Variants in GBE1 observed in about 807,000 individuals in gnomAD.
GBE1 encodes the protein 1,4-alpha-glucan-branching enzyme.
GBE1 carries 70 observed loss-of-function variants against 88.8 expected under a neutral mutation model. The observed-to-expected ratio is 0.79, with a 90% confidence interval of 0.65 to 0.96. The LOEUF is 0.96. Ranked by LOEUF, GBE1 falls within the 40% of genes least tolerant of loss-of-function variation. The pLI is 0.00. For synonymous variants in GBE1, 284 were observed against 300.1 expected (o/e 0.95, Z 0.56); for missense variants, 872 against 871.0 (o/e 1.00, Z -0.01).
At chr3:81,507,281 T>G (rs1400353412) in intron 14 of GBE1, among the ~76,000 whole-genome samples, 1 of 152,034 alleles carries the variant, frequency 6.6e-6, no homozygotes, top group Admixed American at 6.6e-5. Context: ...AACAGAGAAC[T>G]TGCCCGGGCG....
chr3:81,541,444 C>T (rs1703141579), intron 12 of GBE1, among the ~76,000 whole-genome samples: 1 of 147,242 alleles, frequency 6.8e-6, no homozygotes, highest in Non-Finnish European at 1.5e-5. Context: ...TGATGGGCTG[C>T]AAGTTGCCCC....
At chr3:81,576,958 A>G (rs1703656571) in intron 12 of GBE1, among the ~76,000 whole-genome samples, 1 of 152,120 alleles carries the variant, frequency 6.6e-6, no homozygotes, top group Non-Finnish European at 1.5e-5. Context: ...GGCTTTTTAA[A>G]AATTAGAGAT....
rs77433597 is a variant in GBE1, at chr3:81,612,965, C to T, written c.993-18942G>A. On this transcript the variant is annotated intron_variant, in intron 7 of 15. Transcript: ENST00000429644. The stretch of plus-strand genomic sequence containing the variant: ...ATGATGATGATGATGACGATGATGA[C>T]GCAAAGGAGGAAGGATTAGAAGATA... The T allele has an allele frequency of 4.7e-3, 1,885 of 398,378 alleles. 40 individuals carry two copies. Among genetic ancestry groups the T allele is most frequent in the African/African-American group, 0.037 (1,739 of 47,054 alleles). The allele number at this position is 398,378 out of a possible 1,614,324, so 24.7% of individuals were successfully genotyped here.
intron 2 of GBE1, among the ~76,000 whole-genome samples, chr3:81,672,534 A>C (rs948886780): frequency 6.6e-6 from 1 of 152,036 alleles, no homozygotes; most frequent in Non-Finnish European, 1.5e-5. Flanking sequence ...AAGATCAAGA[A>C]CTATCAAAAC....
At chr3:81,584,322 A>G (rs998434099) in intron 10 of GBE1, among the ~76,000 whole-genome samples, 4 of 152,106 alleles carry the variant, frequency 2.6e-5, no homozygotes, top group Non-Finnish European at 5.9e-5. Context: ...TGGGTAGACA[A>G]CATCACAGGC....
intron 12 of GBE1, among the ~76,000 whole-genome samples, chr3:81,576,893 A>G (rs1003063532): frequency 6.6e-6 from 1 of 152,168 alleles, no homozygotes; most frequent in Non-Finnish European, 1.5e-5. Flanking sequence ...TAAAAGTTCA[A>G]TCTGAGATTT....
chr3:81,619,572 G>C lies in GBE1; in HGVS notation c.992+23209C>G, dbSNP rs930793865. On this transcript the variant is annotated intron_variant, in intron 7 of 15. Coordinates refer to ENST00000429644, the MANE Select transcript of GBE1 (RefSeq NM_000158.4). ...TCAAGAGAAAATAAAATGGGAGGTT[G>C]GAAATTATTAACACTTAACACATCA... 5.9e-5 allele frequency among the ~76,000 whole-genome samples: 9 copies of C among 152,034 alleles called. No homozygotes were observed. In the East Asian group the frequency reaches 1.5e-3, roughly 26 times the overall value.
At chr3:81,527,896 C>T (rs928402904) in intron 14 of GBE1, among the ~76,000 whole-genome samples, 40 of 151,722 alleles carry the variant, frequency 2.6e-4, no homozygotes, top group South Asian at 6.3e-4. Context: ...TAAATCATGC[C>T]GCTATAAAGA....
chr3:81,498,719 G>A (rs763404237), intron 15 of GBE1, among the ~76,000 whole-genome samples: 21 of 152,082 alleles, frequency 1.4e-4, no homozygotes, highest in Non-Finnish European at 2.9e-4. Context: ...TCATCTGCTA[G>A]TCAATAATGT....
At chr3:81,639,808 C>A (rs1160344837) in intron 7 of GBE1, among the ~76,000 whole-genome samples, 2 of 152,180 alleles carry the variant, frequency 1.3e-5, no homozygotes, top group Non-Finnish European at 2.9e-5. Flanking sequence ...AGGCTGAGCT[C>A]CTAGCTGACA....
In GBE1 at chr3:81,761,619, G is replaced by A. The variant is rs78982329; in HGVS notation, c.-102C>T. On this transcript the variant is annotated 5_prime_UTR_variant, in exon 1 of 16. Coordinates refer to ENST00000429644, the MANE Select transcript of GBE1 (RefSeq NM_000158.4). The stretch of plus-strand genomic sequence containing the variant: ...CGCGGCGGCTAGGGCGGAGCCGGAG[G>A]GCGCCTAGGCGTGTCGAGGCAAGCC... 0.15 allele frequency: 219,752 copies of A among 1,426,510 alleles called. 18,074 individuals carry two copies. The highest frequency in any genetic ancestry group is 0.17 in the Non-Finnish European group (187,091 of 1,071,622). 88.4% of individuals were successfully genotyped at this position (1,426,510 alleles called of 1,614,324 possible). A position where few individuals can be genotyped will look rare whatever the true frequency, so the allele number is the denominator to read the frequency against.
intron 1 of GBE1, among the ~76,000 whole-genome samples, chr3:81,749,590 G>C (rs1173393579): frequency 6.6e-6 from 1 of 152,204 alleles, no homozygotes; most frequent in Non-Finnish European, 1.5e-5. Context: ...GTATAGAAGT[G>C]TAGACACACA....
intron 2 of GBE1, among the ~76,000 whole-genome samples, chr3:81,698,081 T>C (rs1231834337): frequency 6.7e-6 from 1 of 148,462 alleles, no homozygotes; most frequent in African/African-American, 2.5e-5. Flanking sequence ...TATATATATA[T>C]ATCTTACAAC....
intron 7 of GBE1, among the ~76,000 whole-genome samples, chr3:81,597,400 GCTAA>G (rs1180318165): frequency 2.7e-5 from 4 of 149,280 alleles, no homozygotes; most frequent in Admixed American, 6.7e-5. Flanking sequence ...GGAGCTAGAT[GCTAA>G]CTTTTAGATG....
chr3:81,628,044 G>C (rs984025917), intron 7 of GBE1, among the ~76,000 whole-genome samples: 1 of 152,032 alleles, frequency 6.6e-6, no homozygotes, highest in African/African-American at 2.4e-5. Context: ...AAGAATATGA[G>C]ACACAGAGTT....
At chr3:81,501,888 G>A (rs555509483) in intron 14 of GBE1, among the ~76,000 whole-genome samples, 1 of 151,108 alleles carries the variant, frequency 6.6e-6, no homozygotes, top group South Asian at 2.1e-4. Context: ...TCGTAGAGAT[G>A]GGGTTTCACC....
chr3:81,500,504 G>A (rs1219659851), intron 14 of GBE1, among the ~76,000 whole-genome samples: 1 of 152,156 alleles, frequency 6.6e-6, no homozygotes, highest in Non-Finnish European at 1.5e-5. Flanking sequence ...AAACAGTACA[G>A]TTTAGAGAGT....
chr3:81,708,928 C>T (rs1705813517), intron 1 of GBE1, among the ~76,000 whole-genome samples: 1 of 152,104 alleles, frequency 6.6e-6, no homozygotes, highest in Non-Finnish European at 1.5e-5. Flanking sequence ...ATAAACTGAA[C>T]CACCCCAAGG....
At chr3:81,665,503 T>G (rs979348410) in intron 3 of GBE1, among the ~76,000 whole-genome samples, 1 of 144,540 alleles carries the variant, frequency 6.9e-6, no homozygotes, top group African/African-American at 2.6e-5. Flanking sequence ...GCCACTGCAC[T>G]CCAGCCTGGG....
Sources: gnomAD v4.1 joint callset for allele counts (sites outside exome capture counted in the v4.1 genomes callset) on GRCh38, gnomAD v4.1.1 for gene constraint, MANE v1.5 for transcripts, NCBI Gene and HGNC (gene_info 2026-07-23, HGNC 2026-07-21) for gene names.